Variants in RTN4RL1 observed in about 807,000 individuals in gnomAD.
RTN4RL1 encodes the protein reticulon 4 receptor like 1, also known as reticulon-4 receptor-like 1.
Under a neutral mutation model 25.6 loss-of-function variants are expected in RTN4RL1, and 7 were observed. The ratio of observed to expected loss-of-function variants is 0.27; its 90% CI spans 0.16 to 0.51. RTN4RL1 has a LOEUF of 0.51. Among genes scored for constraint, RTN4RL1 ranks in the 20% least tolerant of loss-of-function variants. The pLI is 0.97. For missense variants in RTN4RL1, 500 were observed against 615.6 expected, an observed-to-expected ratio of 0.81 and a Z score of 1.99; for synonymous variants, 297 against 288.2, an observed-to-expected ratio of 1.03 and a Z score of -0.31.
In RTN4RL1 at chr17:1,994,358, C is replaced by G. The variant is rs1475481669; in HGVS notation, c.13+30495G>C. On this transcript the variant is annotated intron_variant, in intron 1 of 1. Coordinates refer to ENST00000331238, the MANE Select transcript of RTN4RL1 (RefSeq NM_178568.4). The surrounding 1 kb of genome is among the most constrained non-coding windows in gnomAD (Gnocchi z 4.3). ...CATGTCTCCCCTGTGCTGAGCCCACCGTGTTACAGAGGACCTACCAGCTCT... is the reference window on the plus strand; with the variant it reads ...CATGTCTCCCCTGTGCTGAGCCCACGGTGTTACAGAGGACCTACCAGCTCT... 1.3e-5 allele frequency among the ~76,000 whole-genome samples: 2 copies of G among 151,920 alleles called. No individual in the cohort carries two copies. Among genetic ancestry groups the G allele is most frequent in the Admixed American group, 6.6e-5 (1 of 15,212 alleles).
chr17:1,973,765 G>A (rs920420224), intron 1 of RTN4RL1, among the ~76,000 whole-genome samples: 23 of 152,186 alleles, frequency 1.5e-4, no homozygotes, highest in African/African-American at 4.8e-4. Context: ...CTGGCCGGGT[G>A]TGGTGGCTCA....
intron 1 of RTN4RL1, among the ~76,000 whole-genome samples, chr17:2,007,768 AC>A (rs2067010023): frequency 6.6e-6 from 1 of 150,528 alleles, no homozygotes; most frequent in African/African-American, 2.5e-5. Context: ...GGGTGGTGAA[AC>A]CCCGTCTCTA....
At chr17:1,992,358 CAAAAAAAA>C (rs1021180493) in intron 1 of RTN4RL1, among the ~76,000 whole-genome samples, 2 of 53,314 alleles carry the variant, frequency 3.8e-5, no homozygotes, top group Non-Finnish European at 8.1e-5. Context: ...GACTCTGTCT[CAAAAAAAA>C]AAAAAAAAAA....
intron 1 of RTN4RL1, among the ~76,000 whole-genome samples, chr17:1,991,446 T>TAAAAAAAA (rs764604442): frequency 3.2e-5 from 1 of 31,106 alleles, no homozygotes. Context: ...ATGCACATAG[T>TAAAAAAAA]AAAAAAAAAA....
intron 1 of RTN4RL1, among the ~76,000 whole-genome samples, chr17:1,995,934 A>G (rs749541372): frequency 2.0e-5 from 3 of 152,204 alleles, no homozygotes; most frequent in Non-Finnish European, 4.4e-5. Flanking sequence ...CTGGGTCAAC[A>G]GGCCCGCTTA....
rs143238166 is a variant in RTN4RL1 at position 1,986,149 on chromosome 17, C to T, written c.13+38704G>A. On this transcript the variant is annotated intron_variant, in intron 1 of 1. Transcript: ENST00000331238. ...TCCAGAAGGTCACAGGAAAACCAGG[C>T]GGGATCTGGGGTCCACAGAGTCATA... Among the ~76,000 whole-genome samples, 791 of 152,152 alleles carry T rather than the reference C, an allele frequency of 5.2e-3. 7 individuals are homozygous for T. Among genetic ancestry groups the T allele is most frequent in the African/African-American group, 0.018 (745 of 41,510 alleles).
rs1173236982 is a variant in RTN4RL1, at chr17:1,936,464, G to A, written c.*32C>T. On this transcript the variant is annotated 3_prime_UTR_variant, in exon 2 of 2. Transcript: ENST00000331238. ...ATAAATTCTGTTCCTTGGTGGACAT[G>A]TGGCAGTGCTGGGTGCTGACGCCCT... 1 of 1,508,788 alleles carries A rather than the reference G, an allele frequency of 6.6e-7. No homozygotes were observed. Among genetic ancestry groups the A allele is most frequent in the East Asian group, 2.5e-5 (1 of 40,646 alleles). 93.5% of individuals were successfully genotyped at this position (1,508,788 alleles called of 1,614,324 possible).
chr17:1,999,094 T>TCTCACA (rs1555520474), intron 1 of RTN4RL1, among the ~76,000 whole-genome samples: 2 of 147,276 alleles, frequency 1.4e-5, no homozygotes, highest in African/African-American at 2.5e-5. Flanking sequence ...ACATGCGCGA[T>TCTCACA]CACACACACA....
At chr17:1,945,916 C>T (rs1915528879) in intron 1 of RTN4RL1, among the ~76,000 whole-genome samples, 1 of 152,214 alleles carries the variant, frequency 6.6e-6, no homozygotes, top group Non-Finnish European at 1.5e-5. Flanking sequence ...AAGCCCTAGG[C>T]CCAGGGCCTG....
chr17:1,959,764 C>T (rs1470547985), intron 1 of RTN4RL1, among the ~76,000 whole-genome samples: 1 of 152,194 alleles, frequency 6.6e-6, no homozygotes, highest in Non-Finnish European at 1.5e-5. Flanking sequence ...GGGGTTTCGC[C>T]ATGTGGGCCC....
chr17:1,965,041 C>A (rs2066784206), intron 1 of RTN4RL1, among the ~76,000 whole-genome samples: 1 of 151,504 alleles, frequency 6.6e-6, no homozygotes, highest in African/African-American at 2.4e-5. Flanking sequence ...CCCGCCTCAG[C>A]CTCCCAAAGT....
At chr17:1,981,699 G>A (rs942940629) in intron 1 of RTN4RL1, among the ~76,000 whole-genome samples, 1 of 152,216 alleles carries the variant, frequency 6.6e-6, no homozygotes, top group African/African-American at 2.4e-5. Context: ...CCTGGGAGCT[G>A]TGTGCCTCAG....
chr17:1,989,303 A>T (rs2066899909), intron 1 of RTN4RL1, among the ~76,000 whole-genome samples: 1 of 151,582 alleles, frequency 6.6e-6, no homozygotes, highest in Non-Finnish European at 1.5e-5. Flanking sequence ...ACCGCCCTAG[A>T]TTTGGACACT....
rs761826663 is a variant in RTN4RL1 at position 1,936,822 on chromosome 17, C to T, written c.1000G>A (p.Gly334Ser). Reference sequence around the variant, plus strand: ...GGGTGGCCCTTGCTCCTGGTGGGGCCGTGGGGTGAGTGGTGTTCCTTGCGG... The same window carrying T: ...GGGTGGCCCTTGCTCCTGGTGGGGCTGTGGGGTGAGTGGTGTTCCTTGCGG... ...AARKEHHSPH[G>S]PTRSKGHPHG... The change falls in exon 2 of 2, where the codon GGC becomes AGC. Residue 334 changes from glycine (G) to serine (S), a missense_variant. Around this residue, in one of 2 missense-constraint regions of RTN4RL1, gnomAD observed 268 missense variants for 274.5 expected, o/e 0.98. Coordinates refer to ENST00000331238, the MANE Select transcript of RTN4RL1 (RefSeq NM_178568.4). 9.2e-5 allele frequency: 146 copies of T among 1,583,780 alleles called. No individual in the cohort carries two copies. The Middle Eastern group carries it at 2.7e-3, about 30-fold the overall frequency.
At chr17:1,999,992 C>T (rs1007307613) in intron 1 of RTN4RL1, among the ~76,000 whole-genome samples, 4 of 152,376 alleles carry the variant, frequency 2.6e-5, no homozygotes, top group African/African-American at 9.6e-5. Flanking sequence ...GGCCAGGGTC[C>T]CTGGGCCTGG....
intron 1 of RTN4RL1, among the ~76,000 whole-genome samples, chr17:1,950,665 G>C (rs993138728): frequency 4.0e-5 from 6 of 151,302 alleles, no homozygotes; most frequent in Admixed American, 6.6e-5. Context: ...TGGTCAACAT[G>C]GTTAAACCTC....
rs1037401580 is a variant in RTN4RL1 at position 1,998,508 on chromosome 17, C to T, written c.13+26345G>A. Among the ~76,000 whole-genome samples the T allele has an allele frequency of 9.2e-5, 14 of 152,142 alleles. No homozygotes were observed. The highest frequency in any genetic ancestry group is 4.4e-5 in the Non-Finnish European group (3 of 67,960). ...GGCCTCCCCTCCCCGCGGCTGCCCC[C>T]GGGCCGGCCACCGCTGCCCAGCGCG... On this transcript the variant is annotated intron_variant, in intron 1 of 1. Transcript: ENST00000331238. The surrounding 1 kb of genome is among the most constrained non-coding windows in gnomAD (Gnocchi z 4.9).
At chr17:1,983,326 G>A (rs369018516) in intron 1 of RTN4RL1, among the ~76,000 whole-genome samples, 2 of 151,936 alleles carry the variant, frequency 1.3e-5, no homozygotes, top group South Asian at 2.1e-4. Flanking sequence ...GATGACAGGC[G>A]TGAGCCGCCA....
rs1357562796 is a variant in RTN4RL1, at chr17:1,936,250, T to C, written c.*246A>G. On this transcript the variant is annotated 3_prime_UTR_variant, in exon 2 of 2. Transcript: ENST00000331238. ...TTTCCCACCTTGCCAGAGTGGACAC[T>C]GTCCGTGGGCGCTCTGCGGGGCTGG... 1 of 1,316,962 alleles carries C rather than the reference T, an allele frequency of 7.6e-7. No individual in the cohort carries two copies. Among genetic ancestry groups the C allele is most frequent in the African/African-American group, 1.5e-5 (1 of 65,144 alleles). The allele number at this position is 1,316,962 out of a possible 1,614,324, so 81.6% of individuals were successfully genotyped here.
Sources: gnomAD v4.1 joint callset for allele counts (sites outside exome capture counted in the v4.1 genomes callset) on GRCh38, gnomAD v4.1.1 for gene constraint, gnomAD v4.1.1 regional missense constraint, Gnocchi (gnomAD v3.1) non-coding constraint, MANE v1.5 for transcripts, NCBI Gene and HGNC (gene_info 2026-07-23, HGNC 2026-07-21) for gene names.